LYPLAL1: variants seen among roughly 807,000 people sequenced by gnomAD.
LYPLAL1 encodes the protein lysophospholipase-like protein 1.
A neutral mutation model predicts 19.7 loss-of-function variants in LYPLAL1; 23 were observed. The ratio of observed to expected loss-of-function variants is 1.17; its 90% CI spans 0.84 to 1.65. The LOEUF is 1.65. LYPLAL1 is among the 40% of genes most tolerant of loss of function. The probability of loss-of-function intolerance (pLI) is 0.00; values close to 1 mark genes in which losing one functional copy is unlikely to be tolerated. For missense variants in LYPLAL1, 355 were observed against 279.4 expected, an observed-to-expected ratio of 1.27 and a Z score of -1.93; for synonymous variants, 119 against 96.3, an observed-to-expected ratio of 1.24 and a Z score of -1.38.
At chr1:219,384,242 A>T in the LYPLAL1 span, among the ~76,000 whole-genome samples, 2 of 152,208 alleles carry the variant, frequency 1.3e-5, no homozygotes, top group East Asian at 3.8e-4. Flanking sequence ...TTAGACACCC[A>T]TTATCCTAAT....
the LYPLAL1 span, among the ~76,000 whole-genome samples, chr1:219,392,682 T>C: frequency 6.6e-6 from 1 of 152,220 alleles, no homozygotes; most frequent in Non-Finnish European, 1.5e-5. Flanking sequence ...TTAATTTTCT[T>C]CTATCCTCAT....
chr1:219,349,303 T>C, the LYPLAL1 span, among the ~76,000 whole-genome samples: 1 of 152,322 alleles, frequency 6.6e-6, no homozygotes, highest in Non-Finnish European at 1.5e-5. Context: ...GAGAAACTAC[T>C]CTGTGTTAGG....
the LYPLAL1 span, among the ~76,000 whole-genome samples, chr1:219,256,240 C>G: frequency 6.6e-6 from 1 of 151,778 alleles, no homozygotes; most frequent in Non-Finnish European, 1.5e-5. Context: ...AGGTAAAGGA[C>G]TATTTTAATT....
At chr1:219,378,177 C>T in the LYPLAL1 span, among the ~76,000 whole-genome samples, 9 of 152,268 alleles carry the variant, frequency 5.9e-5, no homozygotes, top group African/African-American at 2.2e-4. Context: ...TTAGTCTGTT[C>T]TCACGCTGCT....
At position 219,173,907 on chromosome 1, in the gene LYPLAL1, G is replaced by T. The variant is rs373035897; in HGVS notation, c.17G>T (p.Gly6Val). ...GCATCAGCGATGGCGGCTGCGTCGG[G>T]GTCGGTTCTGCAGCGCTGTATCGTG... MAAAS[G>V]SVLQRCIVSP... The change falls in exon 1 of 5, where the codon GGG becomes GTG. Residue 6 changes from glycine (G) to valine (V), a missense_variant. Coordinates refer to ENST00000366928, the MANE Select transcript of LYPLAL1 (RefSeq NM_138794.5). 6.2e-7 allele frequency: 1 copy of T among 1,613,274 alleles called. No individual in the cohort carries two copies. The highest frequency in any genetic ancestry group is 2.2e-5 in the East Asian group (1 of 44,858).
the LYPLAL1 span, among the ~76,000 whole-genome samples, chr1:219,292,564 G>T: frequency 6.6e-6 from 1 of 152,034 alleles, no homozygotes; most frequent in African/African-American, 2.4e-5. Context: ...CCTAAAACTA[G>T]GACTGAAACC....
At chr1:219,351,748 G>A in the LYPLAL1 span, among the ~76,000 whole-genome samples, 1 of 152,160 alleles carries the variant, frequency 6.6e-6, no homozygotes, top group Non-Finnish European at 1.5e-5. Context: ...GATGCACTAA[G>A]ACTCTTAGTA....
chr1:219,380,523 G>A, the LYPLAL1 span, among the ~76,000 whole-genome samples: 1 of 152,228 alleles, frequency 6.6e-6, no homozygotes, highest in Non-Finnish European at 1.5e-5. Context: ...CCAGCCTGGT[G>A]CTGGATTCGA....
the LYPLAL1 span, among the ~76,000 whole-genome samples, chr1:219,412,672 C>T: frequency 1.3e-5 from 2 of 152,126 alleles, no homozygotes; most frequent in Admixed American, 6.5e-5. Context: ...ATAGAACCTC[C>T]TCTAATTGAA....
At chr1:219,399,577 AAG>A in the LYPLAL1 span, among the ~76,000 whole-genome samples, 1 of 152,094 alleles carries the variant, frequency 6.6e-6, no homozygotes, top group Non-Finnish European at 1.5e-5. Context: ...GCTGCAGTGT[AAG>A]AGGGAGCAGG....
chr1:219,190,535 A>G (rs1344861202), intron 2 of LYPLAL1, among the ~76,000 whole-genome samples: 1 of 149,574 alleles, frequency 6.7e-6, no homozygotes, highest in Non-Finnish European at 1.5e-5. Context: ...ATGGATTGGC[A>G]GGAGCTTCTT....
the LYPLAL1 span, among the ~76,000 whole-genome samples, chr1:219,434,178 GT>G: frequency 6.6e-6 from 1 of 152,110 alleles, no homozygotes; most frequent in African/African-American, 2.4e-5. Flanking sequence ...TTAAAATAGA[GT>G]ATTGCTGTTT....
the LYPLAL1 span, among the ~76,000 whole-genome samples, chr1:219,349,364 A>G: frequency 6.6e-6 from 1 of 152,200 alleles, no homozygotes; most frequent in Non-Finnish European, 1.5e-5. Flanking sequence ...CAGCTTCACA[A>G]AACTTTGATA....
At chr1:219,176,329 T>C (rs1157484385) in intron 1 of LYPLAL1, among the ~76,000 whole-genome samples, 1 of 152,222 alleles carries the variant, frequency 6.6e-6, no homozygotes, top group African/African-American at 2.4e-5. Flanking sequence ...TTATGTAATG[T>C]AATGTCTGTA....
chr1:219,248,570 A>T, the LYPLAL1 span, among the ~76,000 whole-genome samples: 5 of 152,140 alleles, frequency 3.3e-5, no homozygotes, highest in Non-Finnish European at 5.9e-5. Flanking sequence ...AAATTTAATT[A>T]TGAAAGTTGT....
At chr1:219,375,143 A>G in the LYPLAL1 span, among the ~76,000 whole-genome samples, 2 of 152,208 alleles carry the variant, frequency 1.3e-5, no homozygotes, top group African/African-American at 2.4e-5. Flanking sequence ...CAGGGAATAC[A>G]GTAGACAGAT....
At chr1:219,298,228 T>C in the LYPLAL1 span, among the ~76,000 whole-genome samples, 3 of 152,304 alleles carry the variant, frequency 2.0e-5, no homozygotes, top group East Asian at 5.8e-4. Context: ...GAGAATCACC[T>C]GAACCTGGGA....
chr1:219,407,285 TTC>T, the LYPLAL1 span, among the ~76,000 whole-genome samples: 4 of 152,166 alleles, frequency 2.6e-5, no homozygotes, highest in African/African-American at 9.7e-5. Context: ...TTGGACACAT[TTC>T]TCTCCAAACA....
chr1:219,438,098 A>C, the LYPLAL1 span, among the ~76,000 whole-genome samples: 1 of 152,112 alleles, frequency 6.6e-6, no homozygotes, highest in South Asian at 2.1e-4. Context: ...AGTGAGGAAA[A>C]AAGGACCCCT....
Sources: gnomAD v4.1 joint callset for allele counts (sites outside exome capture counted in the v4.1 genomes callset) on GRCh38, gnomAD v4.1.1 for gene constraint, MANE v1.5 for transcripts, NCBI Gene and HGNC (gene_info 2026-07-23, HGNC 2026-07-21) for gene names.